Variants in STAMBPL1 observed in about 807,000 individuals in gnomAD.
STAMBPL1 encodes STAM binding protein like 1.
A neutral mutation model predicts 52.9 loss-of-function variants in STAMBPL1; 44 were observed. The observed-to-expected ratio is 0.83, with a 90% CI of 0.65 to 1.07. The LOEUF (loss-of-function observed/expected upper bound fraction) is 1.07. Ranked by LOEUF, STAMBPL1 falls within the 50% of genes least tolerant of loss-of-function variation. The pLI, the probability that STAMBPL1 is intolerant of heterozygous loss-of-function variation, is 0.00. For missense variants in STAMBPL1, 511 were observed against 520.8 expected, an observed-to-expected ratio of 0.98 and a Z score of 0.18; for synonymous variants, 164 against 177.3, an observed-to-expected ratio of 0.92 and a Z score of 0.60.
chr10:88,896,857 C>T lies in STAMBPL1; in HGVS notation c.-53-4799C>T, dbSNP rs554585300. 2.8e-4 allele frequency among the ~76,000 whole-genome samples: 43 copies of T among 151,786 alleles called. 1 individual carries two copies. The South Asian group carries it at 8.6e-3, about 31-fold the overall frequency. ...ACACACAAACACACACATACATGCA[C>T]GCACGCACACACACACACTATTTTA... On this transcript the variant is annotated intron_variant, in intron 1 of 10. Transcript: ENST00000371926.
chr10:88,891,156 G>A (rs1844672320), intron 1 of STAMBPL1, among the ~76,000 whole-genome samples: 2 of 152,066 alleles, frequency 1.3e-5, no homozygotes, highest in African/African-American at 2.4e-5. Flanking sequence ...ATTCCACACA[G>A]GTCAAATGTA....
chr10:88,891,663 AT>A (rs947393215), intron 1 of STAMBPL1, among the ~76,000 whole-genome samples: 4 of 152,220 alleles, frequency 2.6e-5, no homozygotes, highest in African/African-American at 7.2e-5. Context: ...CTTATAAGGT[AT>A]TTTTTTGCCA....
chr10:88,889,044 T>A (rs1844612261), intron 1 of STAMBPL1, among the ~76,000 whole-genome samples: 2 of 152,248 alleles, frequency 1.3e-5, no homozygotes, highest in Admixed American at 1.3e-4. Context: ...ATATTTTATA[T>A]GTTATTCCAC....
At position 88,916,771 on chromosome 10, in the gene STAMBPL1, T is replaced by C; in HGVS notation, c.995T>C (p.Phe332Ser). Residue 332 changes from phenylalanine (F) to serine (S), a missense_variant, in exon 8 of 11, where the codon TTC (phenylalanine) becomes TCC (serine). Physicochemically the swap from Phe to Ser is radical, Grantham distance 155. Transcript: ENST00000371926. ...YCDMENVEEL[F>S]NVQDQHDLLT... is the part of the protein sequence containing the mutation. ...GACATGGAGAATGTAGAGGAATTAT[T>C]CAATGTTCAGGATCAACATGATCTC... The C allele has an allele frequency of 6.2e-7, 1 of 1,610,026 alleles. No individual in the cohort carries two copies. Among genetic ancestry groups the C allele is most frequent in the Non-Finnish European group, 8.5e-7 (1 of 1,178,214 alleles).
At chr10:88,883,620 C>G (rs1233892119) in intron 1 of STAMBPL1, among the ~76,000 whole-genome samples, 1 of 152,170 alleles carries the variant, frequency 6.6e-6, no homozygotes, top group Non-Finnish European at 1.5e-5. Flanking sequence ...AGTGGACAGG[C>G]CAATTTAACA....
At chr10:88,897,751 T>A (rs751569835) in intron 1 of STAMBPL1, among the ~76,000 whole-genome samples, 1 of 152,214 alleles carries the variant, frequency 6.6e-6, no homozygotes, top group East Asian at 1.9e-4. Flanking sequence ...GAGCCTAGAC[T>A]CAACACCCAG....
intron 8 of STAMBPL1, among the ~76,000 whole-genome samples, chr10:88,918,896 G>A (rs1845437414): frequency 6.6e-6 from 1 of 151,970 alleles, no homozygotes; most frequent in African/African-American, 2.4e-5. Flanking sequence ...AATTATGAAG[G>A]TAAGTTGTTT....
intron 1 of STAMBPL1, among the ~76,000 whole-genome samples, chr10:88,884,789 C>T (rs774008333): frequency 2.0e-5 from 3 of 152,174 alleles, no homozygotes; most frequent in Non-Finnish European, 4.4e-5. Flanking sequence ...TAAGCCTTAA[C>T]ACAAGTTTAT....
rs561652921 is a variant in STAMBPL1, at chr10:88,922,574, A to G, written c.1254+138A>G. ...GTTTGGAGTTTTATCTCAGAAAATT[A>G]ATCTATCTGTATACTTAATTTCTGA... On this transcript the variant is annotated intron_variant, in intron 10 of 10. Transcript: ENST00000371926. 620 of 685,744 alleles carry G rather than the reference A, an allele frequency of 9.0e-4. 1 individual carries two copies. Among genetic ancestry groups the G allele is most frequent in the Non-Finnish European group, 1.3e-3 (555 of 415,216 alleles). The allele number at this position is 685,744 out of a possible 1,614,324, so 42.5% of individuals were successfully genotyped here. A position where few individuals can be genotyped will look rare whatever the true frequency, so the allele number is the denominator to read the frequency against.
chr10:88,897,214 G>A lies in STAMBPL1; in HGVS notation c.-53-4442G>A, dbSNP rs1400114497. 2.6e-5 allele frequency among the ~76,000 whole-genome samples: 4 copies of A among 152,302 alleles called. No individual in the cohort carries two copies. In the East Asian group the frequency reaches 7.7e-4, roughly 29 times the overall value. ...AGCATTTTGGCCACATCCCCTCTGG[G>A]CACAGTCGACTGCTCAGTTGGTTCT... On this transcript the variant is annotated intron_variant, in intron 1 of 10. Coordinates refer to ENST00000371926, the MANE Select transcript of STAMBPL1 (RefSeq NM_020799.4).
In STAMBPL1 at chr10:88,910,913, A is replaced by G. The variant is rs749368734; in HGVS notation, c.325-3A>G. 1.3e-5 allele frequency: 20 copies of G among 1,575,776 alleles called. No homozygotes were observed. The highest frequency in any genetic ancestry group is 5.5e-5 in the African/African-American group (4 of 72,720). On this transcript the variant is annotated splice_polypyrimidine_tract_variant and splice_region_variant and intron_variant, in intron 4 of 10. Transcript: ENST00000371926. ...AATCAATATGTATATATATTTTTAA[A>G]AGAAACTGAAGGAGATTGCATTCCC...
intron 1 of STAMBPL1, among the ~76,000 whole-genome samples, chr10:88,889,023 A>G (rs989785443): frequency 6.6e-6 from 1 of 152,238 alleles, no homozygotes; most frequent in African/African-American, 2.4e-5. Flanking sequence ...TCATATTACA[A>G]GGATGGAGCT....
chr10:88,891,729 C>G (rs1165658940), intron 1 of STAMBPL1, among the ~76,000 whole-genome samples: 1 of 152,146 alleles, frequency 6.6e-6, no homozygotes, highest in Admixed American at 6.5e-5. Flanking sequence ...ACAGTCACCA[C>G]AATCTTTATT....
In STAMBPL1 at chr10:88,923,274, T is replaced by C. The variant is rs748001665; in HGVS notation, c.*50T>C. 3.3e-6 allele frequency: 5 copies of C among 1,534,876 alleles called. No homozygotes were observed. Among genetic ancestry groups the C allele is most frequent in the Non-Finnish European group, 3.5e-6 (4 of 1,148,722 alleles). ...AACATCAGACACCTACTCATGGACA[T>C]GTGGTTGCCGGATTTTCTTAAGATG... On this transcript the variant is annotated 3_prime_UTR_variant, in exon 11 of 11. Transcript: ENST00000371926.
intron 9 of STAMBPL1, 84 bp downstream of exon 9, chr10:88,921,479 T>C (rs2133220611): frequency 9.0e-7 from 1 of 1,110,612 alleles, no homozygotes; most frequent in Middle Eastern, 2.0e-4. Context: ...CAGGTTGTGG[T>C]ACTTGGATTG....
At chr10:88,920,495 A>G (rs1170806408) in intron 8 of STAMBPL1, among the ~76,000 whole-genome samples, 2 of 152,200 alleles carry the variant, frequency 1.3e-5, no homozygotes, top group Non-Finnish European at 2.9e-5. Context: ...TTGTTTCATG[A>G]TTAAAATAGT....
intron 1 of STAMBPL1, among the ~76,000 whole-genome samples, chr10:88,888,573 A>G (rs760808469): frequency 3.9e-5 from 6 of 152,130 alleles, no homozygotes; most frequent in Admixed American, 2.0e-4. Flanking sequence ...TTTTCCTACT[A>G]TTGATGTTAT....
At chr10:88,898,621 A>G (rs1844868449) in intron 1 of STAMBPL1, among the ~76,000 whole-genome samples, 1 of 152,252 alleles carries the variant, frequency 6.6e-6, no homozygotes. Context: ...TTATTAATAT[A>G]TTCATATGTG....
chr10:88,895,966 T>G (rs1357331431), intron 1 of STAMBPL1, among the ~76,000 whole-genome samples: 2 of 152,236 alleles, frequency 1.3e-5, no homozygotes, highest in African/African-American at 4.8e-5. Context: ...CTGTAACAAC[T>G]ACATTCTTGC....
Sources: gnomAD v4.1 joint callset for allele counts (sites outside exome capture counted in the v4.1 genomes callset) on GRCh38, gnomAD v4.1.1 for gene constraint, MANE v1.5 for transcripts, NCBI Gene and HGNC (gene_info 2026-07-23, HGNC 2026-07-21) for gene names.